MIDEAS: variants seen among roughly 807,000 people sequenced by gnomAD.
MIDEAS encodes the protein mitotic deacetylase associated SANT domain protein.
MIDEAS carries 26 observed loss-of-function variants against 102.7 expected under a neutral mutation model. That is an observed-to-expected ratio of 0.25 (90% CI 0.19 to 0.35). The LOEUF (loss-of-function observed/expected upper bound fraction) is 0.35, where lower values mean the gene tolerates loss of function less well. MIDEAS is among the 10% of genes least tolerant of loss of function. The pLI is 1.00. For synonymous variants in MIDEAS, 585 were observed against 591.0 expected, an observed-to-expected ratio of 0.99 and a Z score of 0.15; for missense variants, 1,231 against 1,435.6, an observed-to-expected ratio of 0.86 and a Z score of 2.30.
At chr14:73,789,446 A>G (rs1340595230), upstream of MIDEAS, among the ~76,000 whole-genome samples, 2 of 152,146 alleles carry the variant, frequency 1.3e-5, no homozygotes, top group Non-Finnish European at 2.9e-5. Context: ...ACCCCAGCCA[A>G]CAGCTGAAGG....
chr14:73,748,702 G>C (rs371515486), intron 1 of MIDEAS, among the ~76,000 whole-genome samples: 2 of 151,350 alleles, frequency 1.3e-5, no homozygotes, highest in African/African-American at 2.4e-5. Flanking sequence ...CTGAGAGGTG[G>C]AGGCTGCAGT....
chr14:73,728,004 A>C (rs2053087250), intron 4 of MIDEAS: 1 of 151,796 alleles, frequency 6.6e-6, no homozygotes, highest in African/African-American at 2.4e-5. Flanking sequence ...TTTCTGCCTC[A>C]GTTTCTCCCA....
chr14:73,738,808 G>A lies in MIDEAS; in HGVS notation c.1201C>T (p.Pro401Ser). The A allele has an allele frequency of 6.4e-7, 1 of 1,574,308 alleles. No individual in the cohort carries two copies. Residue 401 changes from proline to serine, a missense_variant, in exon 2 of 13, where the codon CCG becomes TCG. Around this residue, in one of 5 missense-constraint regions of MIDEAS, gnomAD observed 758 missense variants for 856.0 expected, o/e 0.89. Coordinates refer to ENST00000423556, the MANE Select transcript of MIDEAS (RefSeq NM_001367710.1). Reference sequence around the variant, plus strand: ...AGCTGCGACTCCCTCAGCTCCAGCGGGAATCCCAGAGCTTCAGGATGGGGC... The same window carrying A: ...AGCTGCGACTCCCTCAGCTCCAGCGAGAATCCCAGAGCTTCAGGATGGGGC... ...GQPHPEALGF[P>S]LELRESQLLP...
At chr14:73,741,497 A>T (rs1379065410) in intron 1 of MIDEAS, among the ~76,000 whole-genome samples, 5 of 152,120 alleles carry the variant, frequency 3.3e-5, no homozygotes, top group Non-Finnish European at 5.9e-5. Context: ...CCTAGATGCT[A>T]CAGGTCATTG....
At chr14:73,747,343 G>C (rs576913928) in intron 1 of MIDEAS, among the ~76,000 whole-genome samples, 2 of 152,316 alleles carry the variant, frequency 1.3e-5, no homozygotes, top group African/African-American at 2.4e-5. Flanking sequence ...GAGCTTAAGA[G>C]CCTGGGGTGG....
At chr14:73,727,325 C>T (rs2053075773) in intron 5 of MIDEAS, 133 bp downstream of exon 5, 1 of 935,770 alleles carries the variant, frequency 1.1e-6, no homozygotes, top group African/African-American at 1.6e-5. Flanking sequence ...GGGCCACATA[C>T]AGAAGCTCAA....
intron 3 of MIDEAS, 51 bp downstream of exon 3, chr14:73,736,947 C>A: frequency 1.3e-6 from 2 of 1,556,612 alleles, no homozygotes; most frequent in Non-Finnish European, 8.8e-7. Flanking sequence ...GGGTCCTGGG[C>A]CCCCTGAGCA....
chr14:73,727,892 A>C, intron 4 of MIDEAS: 3 of 182,964 alleles, frequency 1.6e-5, no homozygotes, highest in Non-Finnish European at 2.3e-5. Flanking sequence ...CTCCAACATA[A>C]AGCTGTGGTT....
At position 73,757,279 on chromosome 14, in the gene MIDEAS, C is replaced by CAAAAAAAAAAAAAAAAAAAAAAAAAAA. The variant is rs370387448; in HGVS notation, c.-248+2483_-248+2484insTTTTTTTTTTTTTTTTTTTTTTTTTTT. On this transcript the variant is annotated intron_variant, in intron 1 of 12. Transcript: ENST00000423556. ...AGAGAAAGACCCTATCTCTAACAAC[C>CAAAAAAAAAAAAAAAAAAAAAAAAAAA]AAAAAAAAAAAAAAACACTAAACAC... 1.8e-4 allele frequency among the ~76,000 whole-genome samples: 12 copies of CAAAAAAAAAAAAAAAAAAAAAAAAAAA among 67,716 alleles called. 2 individuals carry two copies. The East Asian group carries it at 5.5e-3, about 31-fold the overall frequency. 44.4% of individuals were successfully genotyped at this position (67,716 alleles called of 152,430 possible).
chr14:73,725,932 C>T lies in MIDEAS; in HGVS notation c.2485+101G>A. ...TCTTGGCTTATCTACCCTCCTCCTC[C>T]CGCCCCCACCCAGGGCTGTGACTCA... On this transcript the variant is annotated intron_variant, in intron 8 of 12. Transcript: ENST00000423556. This position sits in a 1 kb window ranked among gnomAD's most constrained non-coding sequence, Gnocchi z 4.1. 1 of 1,058,416 alleles carries T rather than the reference C, an allele frequency of 9.4e-7. No individual in the cohort carries two copies. Among genetic ancestry groups the T allele is most frequent in the South Asian group, 1.4e-5 (1 of 73,388 alleles). 65.6% of individuals were successfully genotyped at this position (1,058,416 alleles called of 1,614,324 possible).
chr14:73,766,423 T>A (rs2053592660), intron 1 of MIDEAS, among the ~76,000 whole-genome samples: 1 of 152,276 alleles, frequency 6.6e-6, no homozygotes, highest in Non-Finnish European at 1.5e-5. Context: ...GTTACTTTTA[T>A]TACTGTTCTA....
At chr14:73,779,011 A>G (rs2053719564) in intron 1 of MIDEAS, among the ~76,000 whole-genome samples, 2 of 152,112 alleles carry the variant, frequency 1.3e-5, no homozygotes, top group South Asian at 4.2e-4. Context: ...AGAAGACAGA[A>G]GACAAAGGAA....
chr14:73,748,204 T>C (rs2053377677), intron 1 of MIDEAS, among the ~76,000 whole-genome samples: 1 of 152,152 alleles, frequency 6.6e-6, no homozygotes. Flanking sequence ...AAATCCTACC[T>C]TATCCATAAT....
At chr14:73,738,501 G>A (rs1014723218) in intron 2 of MIDEAS, 59 bp downstream of exon 2, 21 of 937,208 alleles carry the variant, frequency 2.2e-5, no homozygotes, top group Non-Finnish European at 2.7e-5. Flanking sequence ...TCCTGCAGCC[G>A]CCCACCTATC....
intron 1 of MIDEAS, among the ~76,000 whole-genome samples, chr14:73,772,851 T>C (rs2053654170): frequency 6.6e-6 from 1 of 150,520 alleles, no homozygotes; most frequent in South Asian, 2.1e-4. Context: ...TTGTTGTTGT[T>C]GTTTTCGAGA....
chr14:73,743,941 T>C (rs2053316376), intron 1 of MIDEAS, among the ~76,000 whole-genome samples: 1 of 151,766 alleles, frequency 6.6e-6, no homozygotes, highest in Admixed American at 6.6e-5. Context: ...CAGGTACCCC[T>C]GGGCCAAAGA....
chr14:73,737,440 A>C, intron 2 of MIDEAS, 143 bp from the exon 3 acceptor site: 2 of 911,780 alleles, frequency 2.2e-6, no homozygotes, highest in African/African-American at 1.7e-5. Flanking sequence ...CCTGGGCAAC[A>C]TAGTGACACC....
chr14:73,723,679 AT>A (rs1480771701), intron 9 of MIDEAS: 1 of 152,162 alleles, frequency 6.6e-6, no homozygotes, highest in African/African-American at 2.4e-5. Context: ...AATGTTAACG[AT>A]TGCTAAATCT....
chr14:73,727,027 T>G, intron 5 of MIDEAS, 55 bp from the exon 6 acceptor site: 1 of 1,543,408 alleles, frequency 6.5e-7, no homozygotes, highest in Middle Eastern at 1.8e-4. Flanking sequence ...GACGGAGAAC[T>G]TGATGATCCC....
Sources: allele counts gnomAD v4.1 joint callset (sites outside exome capture counted in the v4.1 genomes callset), GRCh38; gene constraint gnomAD v4.1.1; regional missense constraint gnomAD v4.1.1; non-coding constraint Gnocchi (gnomAD v3.1); transcripts MANE v1.5; gene names NCBI Gene and HGNC (gene_info 2026-07-23, HGNC 2026-07-21).